Variants in ATP1A2 observed in about 807,000 individuals in gnomAD.
ATP1A2 encodes sodium/potassium-transporting ATPase subunit alpha-2.
ATP1A2 carries 56 observed loss-of-function variants against 113.1 expected under a neutral mutation model. That is an observed-to-expected ratio of 0.49 (90% CI 0.40 to 0.62). ATP1A2 has a LOEUF of 0.62. ATP1A2 is among the 20% of genes least tolerant of loss of function. The pLI, the probability that ATP1A2 is intolerant of heterozygous loss-of-function variation, is 0.00. For missense variants in ATP1A2, 712 were observed against 1,357.8 expected (o/e 0.52, Z 7.47); for synonymous variants, 490 against 526.8 (o/e 0.93, Z 0.96).
chr1:160,120,358 T>C (rs997182663), intron 1 of ATP1A2, among the ~76,000 whole-genome samples: 1 of 152,138 alleles, frequency 6.6e-6, no homozygotes, highest in Non-Finnish European at 1.5e-5. Context: ...CCACCAGACC[T>C]GGCTCTCCTC....
At chr1:160,131,012 A>G (rs1414983541) in intron 13 of ATP1A2, among the ~76,000 whole-genome samples, 2 of 152,072 alleles carry the variant, frequency 1.3e-5, no homozygotes, top group Non-Finnish European at 1.5e-5. Flanking sequence ...ACCCCACAGA[A>G]TGCCTCCCAC....
At chr1:160,119,172 A>G (rs1164632636) in intron 1 of ATP1A2, among the ~76,000 whole-genome samples, 3 of 140,758 alleles carry the variant, frequency 2.1e-5, no homozygotes, top group African/African-American at 7.9e-5. Flanking sequence ...CTTCCCACTC[A>G]ATTTTGCTGT....
intron 3 of ATP1A2, among the ~76,000 whole-genome samples, chr1:160,121,932 G>A (rs2101984463): frequency 6.6e-6 from 1 of 152,290 alleles, no homozygotes; most frequent in East Asian, 1.9e-4. Flanking sequence ...AGCGGTTTGA[G>A]AGCAGCCTGG....
Position 160,129,101 on chromosome 1 carries a change from G to C in ATP1A2, c.1326+12G>C. 6.2e-7 allele frequency: 1 copy of C among 1,610,090 alleles called. No individual in the cohort carries two copies. The highest frequency in any genetic ancestry group is 8.5e-7 in the Non-Finnish European group (1 of 1,178,854). On this transcript the variant is annotated intron_variant, in intron 10 of 22. Transcript: ENST00000361216. The stretch of plus-strand genomic sequence containing the variant: ...TCTCCGTGTCTAAGGTAGGGGGTCA[G>C]GACACACACCAGGTATGTTTTGGGG...
chr1:160,140,907 G>GAGTGC (rs1304194039), intron 22 of ATP1A2: 16 of 174,710 alleles, frequency 9.2e-5, no homozygotes, highest in African/African-American at 3.2e-4. Context: ...GCCCAACCAG[G>GAGTGC]AGTGCAGTGC....
At chr1:160,119,698 G>T (rs1480018303) in intron 1 of ATP1A2, among the ~76,000 whole-genome samples, 1 of 152,026 alleles carries the variant, frequency 6.6e-6, no homozygotes, top group Non-Finnish European at 1.5e-5. Flanking sequence ...GAAATCAGGA[G>T]CCTCATAAGA....
intron 20 of ATP1A2, chr1:160,137,244 C>A (rs377400653): frequency 1.0e-5 from 7 of 697,358 alleles, no homozygotes; most frequent in South Asian, 9.1e-5. Context: ...TGTCTCTCTC[C>A]ACCTTTCTTC....
rs74982712 is a variant in ATP1A2, at chr1:160,117,967, G to C, written c.12+2094G>C. Among the ~76,000 whole-genome samples the C allele has an allele frequency of 3.7e-3, 562 of 152,128 alleles. 14 individuals are homozygous for C. The East Asian group carries it at 0.046, about 13-fold the overall frequency. ...GGGAGGGAGGAGTGGAGGGAGGTTG[G>C]GGGGGTCCTTGCTTCCTCTCTTTCT... On this transcript the variant is annotated intron_variant, in intron 1 of 22. Coordinates refer to ENST00000361216, the MANE Select transcript of ATP1A2 (RefSeq NM_000702.4).
Position 160,135,951 on chromosome 1 carries a change from G to A in ATP1A2, c.2397G>A (p.Leu799=), listed in dbSNP as rs1374549705. Residue 799 remains leucine, a synonymous_variant, in exon 17 of 23, where the codon CTG becomes CTA. Transcript: ENST00000361216. The surrounding 1 kb of genome is among the most constrained non-coding windows in gnomAD (Gnocchi z 6.3). ...TCATTGCCAACATCCCCCTACCTCTGGGCACTGTGACCATCCTTTGCATTG... is the reference window on the plus strand; with the variant it reads ...TCATTGCCAACATCCCCCTACCTCTAGGCACTGTGACCATCCTTTGCATTG... ...LFIIANIPLP[L]GTVTILCIDL... is the part of the protein sequence containing the mutation. 6.2e-7 allele frequency: 1 copy of A among 1,613,946 alleles called. No homozygotes were observed. Among genetic ancestry groups the A allele is most frequent in the Admixed American group, 1.7e-5 (1 of 60,006 alleles).
At position 160,135,331 on chromosome 1, in the gene ATP1A2, G is replaced by A. The variant is rs1451965264; in HGVS notation, c.2115+36G>A. ...CCACGGGAGGCAGATGACAGGCAGG[G>A]ACCGGGGAGGCAGGGACAGGGCCAA... On this transcript the variant is annotated intron_variant, in intron 15 of 22. Transcript: ENST00000361216. This position sits in a 1 kb window ranked among gnomAD's most constrained non-coding sequence, Gnocchi z 6.3. 6.2e-7 allele frequency: 1 copy of A among 1,614,206 alleles called. No homozygotes were observed. The highest frequency in any genetic ancestry group is 8.5e-7 in the Non-Finnish European group (1 of 1,180,038).
chr1:160,134,083 ACAC>A (rs1330040797), intron 13 of ATP1A2, among the ~76,000 whole-genome samples: 1 of 126,076 alleles, frequency 7.9e-6, no homozygotes, highest in Non-Finnish European at 1.6e-5. Flanking sequence ...CCCCCCACAC[ACAC>A]ATCTCACACA....
At chr1:160,129,905 T>C (rs926233466) in intron 11 of ATP1A2, among the ~76,000 whole-genome samples, 197 bp from the exon 12 acceptor site, 4 of 152,180 alleles carry the variant, frequency 2.6e-5, no homozygotes, top group African/African-American at 9.7e-5. Context: ...AAGACTGTCC[T>C]ACGGAGGTGG....
Position 160,135,249 on chromosome 1 carries a change from C to T in ATP1A2, c.2069C>T (p.Thr690Met), listed in dbSNP as rs960216681. ...KNHTEIVFARTSPQQKLIIVE... is the reference protein window; with the variant it reads ...KNHTEIVFARMSPQQKLIIVE... ...CACACAGAGATCGTCTTTGCTCGAA[C>T]GTCTCCCCAGCAGAAGCTCATCATT... The change falls in exon 15 of 23, where the codon ACG becomes ATG. Residue 690 changes from threonine (T) to methionine (M), a missense_variant. By Grantham distance (81) the Thr-to-Met change is moderately conservative (BLOSUM62 -1). Around this residue, in one of 6 missense-constraint regions of ATP1A2, gnomAD observed 188 missense variants for 438.9 expected, o/e 0.43. Coordinates refer to ENST00000361216, the MANE Select transcript of ATP1A2 (RefSeq NM_000702.4). This position sits in a 1 kb window ranked among gnomAD's most constrained non-coding sequence, Gnocchi z 6.3. 6.2e-7 allele frequency: 1 copy of T among 1,614,176 alleles called. No homozygotes were observed. Among genetic ancestry groups the T allele is most frequent in the Non-Finnish European group, 8.5e-7 (1 of 1,180,036 alleles).
At chr1:160,116,793 G>T (rs548669294) in intron 1 of ATP1A2, among the ~76,000 whole-genome samples, 2 of 152,192 alleles carry the variant, frequency 1.3e-5, no homozygotes, top group African/African-American at 2.4e-5. Flanking sequence ...CTGTGCCTAG[G>T]GGGAGCCGTG....
At position 160,134,561 on chromosome 1, in the gene ATP1A2, C is replaced by T. The variant is rs767754595; in HGVS notation, c.1905C>T (p.Asn635=). The stretch of plus-strand genomic sequence containing the variant: ...GCGTGGGCATCATATCAGAGGGTAA[C>T]GAGACTGTGGAGGACATTGCAGCCC... The part of the protein sequence containing the change: ...AKGVGIISEG[N]ETVEDIAARL... Residue 635 remains asparagine, a synonymous_variant, in exon 14 of 23, where the codon AAC becomes AAT. Coordinates refer to ENST00000361216, the MANE Select transcript of ATP1A2 (RefSeq NM_000702.4). The T allele has an allele frequency of 2.0e-5, 33 of 1,614,084 alleles. No homozygotes were observed. The highest frequency in any genetic ancestry group is 1.8e-4 in the East Asian group (8 of 44,894).
At chr1:160,122,322 C>G (rs1651432070) in intron 3 of ATP1A2, among the ~76,000 whole-genome samples, 1 of 151,722 alleles carries the variant, frequency 6.6e-6, no homozygotes, top group East Asian at 1.9e-4. Flanking sequence ...ATAAGCTCCT[C>G]AAGGGCAGGG....
At chr1:160,129,206 A>T in intron 10 of ATP1A2, 60 bp from the exon 11 acceptor site, 1 of 1,613,004 alleles carries the variant, frequency 6.2e-7, no homozygotes, top group South Asian at 1.1e-5. Flanking sequence ...TGCCGCCTTC[A>T]CCTGATCCTC....
intron 3 of ATP1A2, among the ~76,000 whole-genome samples, 174 bp from the exon 4 acceptor site, chr1:160,123,039 T>C (rs1394586335): frequency 1.3e-5 from 2 of 152,112 alleles, no homozygotes; most frequent in African/African-American, 4.8e-5. Flanking sequence ...CCAAGTTGCA[T>C]CACAAATGCC....
chr1:160,125,091 A>C, intron 6 of ATP1A2, 45 bp from the exon 7 acceptor site: 2 of 1,523,740 alleles, frequency 1.3e-6, no homozygotes, highest in Non-Finnish European at 1.8e-6. Context: ...GTGTGCATAC[A>C]AGTGGCTCTG....
Sources: gnomAD v4.1 joint callset for allele counts (sites outside exome capture counted in the v4.1 genomes callset) on GRCh38, gnomAD v4.1.1 for gene constraint, gnomAD v4.1.1 regional missense constraint, Gnocchi (gnomAD v3.1) non-coding constraint, MANE v1.5 for transcripts, NCBI Gene and HGNC (gene_info 2026-07-23, HGNC 2026-07-21) for gene names.